The following DLG2 variants were observed in gnomAD, a reference collection of about 807,000 sequenced individuals.
The protein encoded by DLG2 is discs large MAGUK scaffold protein 2, also known as disks large homolog 2.
DLG2 carries 45 observed loss-of-function variants against 132.5 expected under a neutral mutation model. That is an observed-to-expected ratio of 0.34 (90% CI 0.27 to 0.44). DLG2 has a LOEUF of 0.44. Ranked by LOEUF, DLG2 falls within the 20% of genes least tolerant of loss-of-function variation. The pLI is 1.00. For synonymous variants in DLG2, 424 were observed against 419.6 expected (o/e 1.01, Z -0.13); for missense variants, 1,045 against 1,196.9 (o/e 0.87, Z 1.87).
intron 11 of DLG2, among the ~76,000 whole-genome samples, chr11:84,039,216 TA>T (rs1435871902): frequency 1.3e-5 from 2 of 151,840 alleles, no homozygotes; most frequent in Non-Finnish European, 2.9e-5. Flanking sequence ...TTTTTCTAGT[TA>T]ATTTTTTTTT....
chr11:85,293,159 T>C (rs1336688459), intron 3 of DLG2, among the ~76,000 whole-genome samples: 1 of 152,028 alleles, frequency 6.6e-6, no homozygotes, highest in Non-Finnish European at 1.5e-5. Context: ...AACTAATAAA[T>C]ATAGAAGAAA....
rs986509933 is a variant in DLG2 at position 84,114,342 on chromosome 11, G to A, written c.625-15295C>T. Reference sequence around the variant, plus strand: ...AGCATTTAACTTGATACATTGGAAGGGCTCAGTAAATATTAGTAAGCTTAT... The same window carrying A: ...AGCATTTAACTTGATACATTGGAAGAGCTCAGTAAATATTAGTAAGCTTAT... On this transcript the variant is annotated intron_variant, in intron 9 of 27. Coordinates refer to ENST00000376104, the MANE Select transcript of DLG2 (RefSeq NM_001142699.3). 3.3e-5 allele frequency among the ~76,000 whole-genome samples: 5 copies of A among 152,130 alleles called. No individual in the cohort carries two copies. In the East Asian group the frequency reaches 9.7e-4, roughly 29 times the overall value.
chr11:84,454,660 A>G (rs770242156), intron 7 of DLG2, among the ~76,000 whole-genome samples: 1 of 151,596 alleles, frequency 6.6e-6, no homozygotes. Context: ...AGCAATAAAA[A>G]GAACCATATT....
intron 18 of DLG2, among the ~76,000 whole-genome samples, chr11:83,732,377 T>A (rs1247108323): frequency 6.6e-6 from 1 of 152,196 alleles, no homozygotes; most frequent in Non-Finnish European, 1.5e-5. Flanking sequence ...TCTCTCATGT[T>A]GGGGAGCTTA....
intron 8 of DLG2, among the ~76,000 whole-genome samples, chr11:84,180,160 A>C (rs1453318735): frequency 6.6e-6 from 1 of 152,184 alleles, no homozygotes; most frequent in Non-Finnish European, 1.5e-5. Context: ...AGGCAAGGAC[A>C]GACGAATAAT....
intron 6 of DLG2, among the ~76,000 whole-genome samples, chr11:84,931,476 G>C (rs887860090): frequency 6.6e-6 from 1 of 152,158 alleles, no homozygotes; most frequent in East Asian, 1.9e-4. Context: ...CTCCATCCAT[G>C]TTCCTGCAAA....
At chr11:83,868,833 T>A (rs992919323) in intron 16 of DLG2, among the ~76,000 whole-genome samples, 1 of 152,278 alleles carries the variant, frequency 6.6e-6, no homozygotes, top group East Asian at 1.9e-4. Context: ...CTTTTGAAGG[T>A]CAGGGTGTGC....
At chr11:83,777,073 G>A (rs2094610265) in intron 18 of DLG2, among the ~76,000 whole-genome samples, 1 of 152,208 alleles carries the variant, frequency 6.6e-6, no homozygotes, top group Admixed American at 6.5e-5. Context: ...TATCTCCAGA[G>A]TGCAAGGCAG....
chr11:85,608,711 GC>G (rs747308523), intron 2 of DLG2, among the ~76,000 whole-genome samples: 8 of 152,024 alleles, frequency 5.3e-5, no homozygotes, highest in Middle Eastern at 3.2e-3. Context: ...GGGGAATTTG[GC>G]CCCACCCAGG....
At chr11:84,992,953 C>G (rs938688301) in intron 6 of DLG2, among the ~76,000 whole-genome samples, 1 of 152,150 alleles carries the variant, frequency 6.6e-6, no homozygotes, top group Non-Finnish European at 1.5e-5. Context: ...ATAAATCATT[C>G]CACTGTACAG....
intron 3 of DLG2, among the ~76,000 whole-genome samples, chr11:85,519,705 T>A (rs1045507115): frequency 6.6e-6 from 1 of 152,114 alleles, no homozygotes; most frequent in African/African-American, 2.4e-5. Flanking sequence ...GGGTCAGGGG[T>A]GGAATAATAT....
chr11:85,608,566 C>A (rs1231185354), intron 2 of DLG2, among the ~76,000 whole-genome samples: 1 of 152,118 alleles, frequency 6.6e-6, no homozygotes, highest in East Asian at 1.9e-4. Context: ...TCCTAGCCTC[C>A]CTACAGCTCC....
intron 16 of DLG2, among the ~76,000 whole-genome samples, chr11:83,864,598 G>A (rs961244944): frequency 1.4e-4 from 22 of 152,058 alleles, no homozygotes; most frequent in African/African-American, 4.6e-4. Flanking sequence ...AGCATACTTC[G>A]GTGGAATAAA....
intron 7 of DLG2, among the ~76,000 whole-genome samples, chr11:84,520,391 C>T (rs1591447972): frequency 6.6e-6 from 1 of 152,238 alleles, no homozygotes; most frequent in African/African-American, 2.4e-5. Flanking sequence ...TGGAAGCACC[C>T]CAATCTGCTG....
intron 6 of DLG2, among the ~76,000 whole-genome samples, chr11:84,842,571 A>G (rs1270160475): frequency 6.6e-6 from 1 of 151,982 alleles, no homozygotes; most frequent in Non-Finnish European, 1.5e-5. Flanking sequence ...TCATAGGGCC[A>G]TACACAAATG....
chr11:84,722,706 A>G (rs1359678875), intron 6 of DLG2, among the ~76,000 whole-genome samples: 1 of 152,188 alleles, frequency 6.6e-6, no homozygotes, highest in Non-Finnish European at 1.5e-5. Context: ...AGGAAACTCA[A>G]TATGGAACAA....
At chr11:85,082,038 G>A (rs2067297501) in intron 6 of DLG2, among the ~76,000 whole-genome samples, 1 of 151,706 alleles carries the variant, frequency 6.6e-6, no homozygotes, top group African/African-American at 2.4e-5. Context: ...ATAGTTTGTT[G>A]AACTTAACCA....
At chr11:84,632,180 G>A (rs1013728974) in intron 6 of DLG2, among the ~76,000 whole-genome samples, 1 of 151,836 alleles carries the variant, frequency 6.6e-6, no homozygotes, top group Non-Finnish European at 1.5e-5. Context: ...TTCAAACATA[G>A]AACTCAGAGG....
intron 6 of DLG2, among the ~76,000 whole-genome samples, chr11:84,633,354 T>G (rs1389909531): frequency 6.6e-6 from 1 of 152,154 alleles, no homozygotes; most frequent in Non-Finnish European, 1.5e-5. Context: ...GACTTCTCTG[T>G]GCTTTTTTCT....
Sources: gnomAD v4.1 joint callset for allele counts (sites outside exome capture counted in the v4.1 genomes callset) on GRCh38, gnomAD v4.1.1 for gene constraint, MANE v1.5 for transcripts, NCBI Gene and HGNC (gene_info 2026-07-23, HGNC 2026-07-21) for gene names.